The following MACC1 variants were observed in gnomAD, a reference collection of about 807,000 sequenced individuals.
MACC1 encodes the protein MET transcriptional regulator MACC1.
A neutral mutation model predicts 70.7 loss-of-function variants in MACC1; 79 were observed. The ratio of observed to expected loss-of-function variants is 1.12; its 90% CI spans 0.93 to 1.35. The LOEUF (loss-of-function observed/expected upper bound fraction) is 1.35. Ranked by LOEUF, MACC1 falls within the 40% of genes most tolerant of loss-of-function variation. The pLI, the probability that MACC1 is intolerant of heterozygous loss-of-function variation, is 0.00. For synonymous variants in MACC1, 361 were observed against 347.2 expected, an observed-to-expected ratio of 1.04 and a Z score of -0.44; for missense variants, 1,106 against 978.1, an observed-to-expected ratio of 1.13 and a Z score of -1.74.
In MACC1 at chr7:20,159,403, A is replaced by T; in HGVS notation, c.958T>A (p.Phe320Ile). ...CLHSLGKEGPFKVLSNCYIYK... is the reference protein window; with the variant it reads ...CLHSLGKEGPIKVLSNCYIYK... ...ATGTAGCAGTTGCTTAAAACTTTAA[A>T]AGGGCCTTCTTTACCCAAGCTGTGT... The change falls in exon 5 of 7, where the codon TTT (phenylalanine) becomes ATT (isoleucine). Residue 320 changes from phenylalanine (F) to isoleucine (I), a missense_variant. Phe to Ile is a conservative substitution (Grantham distance 21). Coordinates refer to ENST00000400331, the MANE Select transcript of MACC1 (RefSeq NM_182762.4). The T allele has an allele frequency of 6.2e-7, 1 of 1,614,032 alleles. No individual in the cohort carries two copies. The highest frequency in any genetic ancestry group is 8.5e-7 in the Non-Finnish European group (1 of 1,180,026).
chr7:20,177,874 T>G (rs1782421080), intron 1 of MACC1, among the ~76,000 whole-genome samples: 2 of 152,146 alleles, frequency 1.3e-5, no homozygotes, highest in Non-Finnish European at 1.5e-5. Context: ...TGTTGGACTT[T>G]TTTAAACAAT....
chr7:20,169,738 T>C (rs1385270352), intron 2 of MACC1, among the ~76,000 whole-genome samples: 1 of 152,222 alleles, frequency 6.6e-6, no homozygotes, highest in Non-Finnish European at 1.5e-5. Flanking sequence ...TGAACATTTC[T>C]GGAACTCTAC....
chr7:20,167,288 C>T (rs1022817328), intron 2 of MACC1, among the ~76,000 whole-genome samples: 7 of 151,796 alleles, frequency 4.6e-5, no homozygotes, highest in Admixed American at 3.9e-4. Flanking sequence ...CTCCACCTCC[C>T]GGGTTCAAGC....
rs769691677 is a variant in MACC1 at position 20,158,845 on chromosome 7, CAGG to C, written c.1513_1515del (p.Pro505del). 228 of 1,614,076 alleles carry C rather than the reference CAGG, an allele frequency of 1.4e-4. No individual in the cohort carries two copies. Among genetic ancestry groups the C allele is most frequent in the Admixed American group, 7.3e-4 (44 of 60,002 alleles). ...AGTCTTTTTAGGTTTGGGGTTGGATCAGGAGTAGTGATAGAGAACTGTGCAACT... is the reference window on the plus strand; with the variant it reads ...AGTCTTTTTAGGTTTGGGGTTGGATCAGTAGTGATAGAGAACTGTGCAACT... On this transcript the variant is annotated inframe_deletion, in exon 5 of 7. Transcript: ENST00000400331.
At chr7:20,177,218 T>A (rs983826490) in intron 1 of MACC1, among the ~76,000 whole-genome samples, 7 of 152,146 alleles carry the variant, frequency 4.6e-5, no homozygotes, top group African/African-American at 1.7e-4. Context: ...AAACCGGAAA[T>A]ACACAAGCAC....
chr7:20,216,523 C>T (rs1037534196), intron 1 of MACC1, among the ~76,000 whole-genome samples: 2 of 152,070 alleles, frequency 1.3e-5, no homozygotes, highest in Non-Finnish European at 2.9e-5. Flanking sequence ...CCCCCAAGCC[C>T]CTGGCAACTA....
At chr7:20,174,461 T>C (rs1436210256) in intron 1 of MACC1, among the ~76,000 whole-genome samples, 1 of 152,188 alleles carries the variant, frequency 6.6e-6, no homozygotes. Context: ...TATAACTATA[T>C]GGGAAATTGC....
At chr7:20,172,053 G>T (rs1782316164) in intron 1 of MACC1, among the ~76,000 whole-genome samples, 2 of 152,174 alleles carry the variant, frequency 1.3e-5, no homozygotes, top group Admixed American at 1.3e-4. Context: ...AATATTCTGA[G>T]GGAAATACTG....
Position 20,135,525 on chromosome 7 carries a change from C to T in MACC1, c.*5421G>A, listed in dbSNP as rs1223127401. 1 of 152,110 alleles carries T rather than the reference C, an allele frequency of 6.6e-6. No individual in the cohort carries two copies. Among genetic ancestry groups the T allele is most frequent in the African/African-American group, 2.4e-5 (1 of 41,406 alleles). The allele number at this position is 152,110 out of a possible 1,614,324, so 9.4% of individuals were successfully genotyped here. A position where few individuals can be genotyped will look rare whatever the true frequency, so the allele number is the denominator to read the frequency against. On this transcript the variant is annotated 3_prime_UTR_variant, in exon 7 of 7. Coordinates refer to ENST00000400331, the MANE Select transcript of MACC1 (RefSeq NM_182762.4). ...ATACAGTGGTTCTCAAACTGGGGTCCCTGGACCAGAAACATCTGCATCACC... is the reference window on the plus strand; with the variant it reads ...ATACAGTGGTTCTCAAACTGGGGTCTCTGGACCAGAAACATCTGCATCACC...
intron 1 of MACC1, among the ~76,000 whole-genome samples, chr7:20,184,469 CT>C (rs1326528298): frequency 3.3e-5 from 5 of 152,108 alleles, no homozygotes; most frequent in African/African-American, 1.2e-4. Flanking sequence ...CTCCTTTTTT[CT>C]TTCTCATTAT....
At chr7:20,165,011 C>T (rs1051084371) in intron 2 of MACC1, among the ~76,000 whole-genome samples, 1 of 151,936 alleles carries the variant, frequency 6.6e-6, no homozygotes, top group African/African-American at 2.4e-5. Context: ...TAGAAGTCCT[C>T]AACCACATAA....
chr7:20,158,993 T>C lies in MACC1; in HGVS notation c.1368A>G (p.Lys456=). 1 of 1,614,062 alleles carries C rather than the reference T, an allele frequency of 6.2e-7. No homozygotes were observed. The highest frequency in any genetic ancestry group is 1.1e-5 in the South Asian group (1 of 91,080). The stretch of plus-strand genomic sequence containing the variant: ...CTTCACCTGCTTCCAACTGCTTTTG[T>C]TTAATTTCTTTCCTTTCTCCTTCTG... ...VKTEGERKEI[K]QKQLEAGEVV... is the part of the protein sequence containing the mutation. The change falls in exon 5 of 7, where the codon AAA becomes AAG. Residue 456 remains lysine (K), a synonymous_variant. Coordinates refer to ENST00000400331, the MANE Select transcript of MACC1 (RefSeq NM_182762.4).
At chr7:20,197,997 G>A (rs574989331) in intron 1 of MACC1, among the ~76,000 whole-genome samples, 1 of 152,250 alleles carries the variant, frequency 6.6e-6, no homozygotes, top group Admixed American at 6.5e-5. Flanking sequence ...ATCCTAAGAG[G>A]AAAATACCAC....
At chr7:20,172,926 C>T (rs560372778) in intron 1 of MACC1, among the ~76,000 whole-genome samples, 1 of 152,352 alleles carries the variant, frequency 6.6e-6, no homozygotes, top group East Asian at 1.9e-4. Flanking sequence ...GTTGTCCCCA[C>T]AGCACCACCT....
At chr7:20,141,289 T>A (rs114659533) in intron 6 of MACC1, 131 bp from the exon 7 acceptor site, 3 of 559,272 alleles carry the variant, frequency 5.4e-6, no homozygotes, top group Non-Finnish European at 9.0e-6. Flanking sequence ...ATGGACTTAT[T>A]TGATGTCATA....
At chr7:20,181,625 A>G (rs1375566952) in intron 1 of MACC1, among the ~76,000 whole-genome samples, 4 of 152,128 alleles carry the variant, frequency 2.6e-5, no homozygotes, top group African/African-American at 4.8e-5. Flanking sequence ...ATAGATGAAA[A>G]TTTTTATCTG....
rs115131698 is a variant in MACC1 at position 20,144,904 on chromosome 7, G to T, written c.2347-3746C>A. Among the ~76,000 whole-genome samples the T allele has an allele frequency of 8.0e-3, 1,219 of 152,272 alleles. 14 individuals carry two copies. Among genetic ancestry groups the T allele is most frequent in the African/African-American group, 0.028 (1,167 of 41,550 alleles). ...GAAATAGACGCAATAAAAGGATGGG[G>T]AGAAGCTGGAGTCAAAGAAAAAGAA... On this transcript the variant is annotated intron_variant, in intron 6 of 6. Coordinates refer to ENST00000400331, the MANE Select transcript of MACC1 (RefSeq NM_182762.4).
At chr7:20,166,069 T>C (rs1012200036) in intron 2 of MACC1, among the ~76,000 whole-genome samples, 1 of 152,186 alleles carries the variant, frequency 6.6e-6, no homozygotes, top group Non-Finnish European at 1.5e-5. Context: ...TCCTTTGAAT[T>C]TTTTATGATA....
At chr7:20,200,477 T>G (rs1782818259) in intron 1 of MACC1, among the ~76,000 whole-genome samples, 1 of 152,198 alleles carries the variant, frequency 6.6e-6, no homozygotes, top group Admixed American at 6.5e-5. Context: ...CGACAAATCC[T>G]GGAAGAGAAA....
Sources: allele counts gnomAD v4.1 joint callset (sites outside exome capture counted in the v4.1 genomes callset), GRCh38; gene constraint gnomAD v4.1.1; transcripts MANE v1.5; gene names NCBI Gene and HGNC (gene_info 2026-07-23, HGNC 2026-07-21).